The following WAPL variants were observed in gnomAD, a reference collection of about 807,000 sequenced individuals.
The protein encoded by WAPL is WAPL cohesin release factor.
In WAPL, 5 loss-of-function variants were observed where a neutral mutation model predicts 121.0. That is an observed-to-expected ratio of 0.04 (90% CI 0.02 to 0.09). WAPL has a LOEUF of 0.09. Ranked by LOEUF, WAPL falls within the 10% of genes least tolerant of loss-of-function variation. WAPL has a pLI of 1.00. For missense variants in WAPL, 999 were observed against 1,410.8 expected, an observed-to-expected ratio of 0.71 and a Z score of 4.68; for synonymous variants, 480 against 481.5, an observed-to-expected ratio of 1.00 and a Z score of 0.04.
At chr10:86,460,824 C>T (rs1336481930) in intron 10 of WAPL, among the ~76,000 whole-genome samples, 1 of 152,174 alleles carries the variant, frequency 6.6e-6, no homozygotes, top group African/African-American at 2.4e-5. Context: ...AGCAATTCTC[C>T]TGCCTCAGCC....
rs1360087378 is a variant in WAPL at position 86,454,892 on chromosome 10, C to T, written c.2658-1061G>A. ...GAGTGTCTCTGCCCGACCGCCACCC[C>T]GTCTGGGAGGTGAGGAGCGTCTCTG... On this transcript the variant is annotated intron_variant, in intron 12 of 18. Coordinates refer to ENST00000298767, the MANE Select transcript of WAPL (RefSeq NM_015045.5). Among the ~76,000 whole-genome samples the T allele has an allele frequency of 2.7e-5, 4 of 149,964 alleles. No homozygotes were observed. The South Asian group carries it at 6.3e-4, about 24-fold the overall frequency.
At chr10:86,503,089 C>G (rs1842277874) in intron 2 of WAPL, among the ~76,000 whole-genome samples, 1 of 152,110 alleles carries the variant, frequency 6.6e-6, no homozygotes, top group African/African-American at 2.4e-5. Flanking sequence ...ACCCGGGAGG[C>G]AGAGGTTGCA....
intron 4 of WAPL, among the ~76,000 whole-genome samples, chr10:86,489,311 A>G (rs1302071759): frequency 6.6e-6 from 1 of 152,212 alleles, no homozygotes; most frequent in Non-Finnish European, 1.5e-5. Flanking sequence ...AAAGAACATT[A>G]CTGGGACAAA....
At chr10:86,455,433 G>T (rs897459500) in intron 12 of WAPL, among the ~76,000 whole-genome samples, 15 of 151,922 alleles carry the variant, frequency 9.9e-5, no homozygotes, top group African/African-American at 3.6e-4. Context: ...GGGTTAAATG[G>T]ATTAAGGGCA....
chr10:86,516,526 C>T (rs1842559536), intron 2 of WAPL, among the ~76,000 whole-genome samples: 1 of 152,044 alleles, frequency 6.6e-6, no homozygotes, highest in Non-Finnish European at 1.5e-5. Context: ...GCCAAGACGT[C>T]AAGAACTAAG....
At chr10:86,487,168 C>T (rs1042572807) in intron 4 of WAPL, among the ~76,000 whole-genome samples, 2 of 151,754 alleles carry the variant, frequency 1.3e-5, no homozygotes, top group Admixed American at 1.3e-4. Flanking sequence ...GCAGGGATGA[C>T]AGGCAGCAGC....
intron 4 of WAPL, among the ~76,000 whole-genome samples, chr10:86,487,850 G>C (rs750313930): frequency 2.0e-5 from 3 of 152,064 alleles, no homozygotes; most frequent in Non-Finnish European, 4.4e-5. Flanking sequence ...AGCTGAGATC[G>C]CACCACTGCA....
chr10:86,496,683 A>G (rs1338261671), intron 4 of WAPL, among the ~76,000 whole-genome samples: 1 of 152,226 alleles, frequency 6.6e-6, no homozygotes, highest in Non-Finnish European at 1.5e-5. Context: ...ATTCAGCCAT[A>G]AAAAGGAATG....
Position 86,499,787 on chromosome 10 carries a change from G to T in WAPL, c.1456C>A (p.Pro486Thr), listed in dbSNP as rs1224699954. The T allele has an allele frequency of 6.2e-7, 1 of 1,612,018 alleles. No homozygotes were observed. Among genetic ancestry groups the T allele is most frequent in the Admixed American group, 1.7e-5 (1 of 59,502 alleles). ...SKKRTKTAPS[P>T]SLQPPPESND... ...CTTTCTGGGGGAGGCTGCAAGGAGGGTGATGGAGCTGTTTTAGTTCTTTTT... is the reference window on the plus strand; with the variant it reads ...CTTTCTGGGGGAGGCTGCAAGGAGGTTGATGGAGCTGTTTTAGTTCTTTTT... Residue 486 changes from proline (P) to threonine (T), a missense_variant, in exon 3 of 19, where the codon CCC (proline) becomes ACC (threonine). Coordinates refer to ENST00000298767, the MANE Select transcript of WAPL (RefSeq NM_015045.5).
intron 4 of WAPL, among the ~76,000 whole-genome samples, chr10:86,480,792 A>G (rs934231919): frequency 6.6e-6 from 1 of 152,204 alleles, no homozygotes; most frequent in Non-Finnish European, 1.5e-5. Context: ...AAGAGAAGTG[A>G]GGTACACCTT....
At chr10:86,465,733 T>G (rs1279935619) in intron 9 of WAPL, among the ~76,000 whole-genome samples, 1 of 152,176 alleles carries the variant, frequency 6.6e-6, no homozygotes, top group Non-Finnish European at 1.5e-5. Context: ...CAGATACGGC[T>G]TTTGTTCCTA....
At chr10:86,445,343 ACTCTGT>A (rs1849581592) in intron 16 of WAPL, among the ~76,000 whole-genome samples, 1 of 151,994 alleles carries the variant, frequency 6.6e-6, no homozygotes, top group Non-Finnish European at 1.5e-5. Flanking sequence ...TGGTTGGCTG[ACTCTGT>A]GGATGTGGAA....
At chr10:86,506,697 G>A (rs1174894258) in intron 2 of WAPL, among the ~76,000 whole-genome samples, 1 of 152,152 alleles carries the variant, frequency 6.6e-6, no homozygotes, top group Non-Finnish European at 1.5e-5. Flanking sequence ...AGTGGGGGTA[G>A]GAGGATCACT....
At chr10:86,491,564 G>A (rs1842049071) in intron 4 of WAPL, among the ~76,000 whole-genome samples, 1 of 152,052 alleles carries the variant, frequency 6.6e-6, no homozygotes, top group Admixed American at 6.6e-5. Flanking sequence ...AAGGTTCCTA[G>A]AAAAACACAT....
In WAPL at chr10:86,440,099, G is replaced by C. The variant is rs542623993; in HGVS notation, c.3412-2084C>G. ...ACAATTTAAGAACATTCTCTTTTTAGAGACAAGATAGATACAGGCAAACAC... is the reference window on the plus strand; with the variant it reads ...ACAATTTAAGAACATTCTCTTTTTACAGACAAGATAGATACAGGCAAACAC... On this transcript the variant is annotated intron_variant, in intron 17 of 18. Transcript: ENST00000298767. Among the ~76,000 whole-genome samples the C allele has an allele frequency of 1.7e-4, 26 of 152,196 alleles. 1 individual carries two copies. The highest frequency in any genetic ancestry group is 5.3e-4 in the African/African-American group (22 of 41,522).
At chr10:86,488,092 A>T (rs189933883) in intron 4 of WAPL, among the ~76,000 whole-genome samples, 3 of 152,138 alleles carry the variant, frequency 2.0e-5, no homozygotes, top group African/African-American at 7.2e-5. Context: ...TGGAAACCAG[A>T]TTTCTCTCGG....
intron 2 of WAPL, among the ~76,000 whole-genome samples, chr10:86,510,955 T>C (rs1369806072): frequency 6.6e-6 from 1 of 151,768 alleles, no homozygotes; most frequent in Admixed American, 6.6e-5. Context: ...GTCTCCCAAG[T>C]AGCTGGAACT....
chr10:86,461,375 A>AG, intron 9 of WAPL, 88 bp from the exon 10 acceptor site: 13 of 983,062 alleles, frequency 1.3e-5, no homozygotes, highest in Non-Finnish European at 1.9e-5. Flanking sequence ...ACTGCATGCT[A>AG]CATGTAGTTT....
chr10:86,453,648 A>C lies in WAPL; in HGVS notation c.2833+8T>G. The C allele has an allele frequency of 6.3e-7, 1 of 1,590,294 alleles. No individual in the cohort carries two copies. The highest frequency in any genetic ancestry group is 1.1e-5 in the South Asian group (1 of 87,048). Reference sequence around the variant, plus strand: ...TTTCAATGAGAAAAAAATGGAAAAAAATCTTACCATTATCATTAGTTAAAT... The same window carrying C: ...TTTCAATGAGAAAAAAATGGAAAAACATCTTACCATTATCATTAGTTAAAT... On this transcript the variant is annotated splice_region_variant and intron_variant, in intron 13 of 18. Coordinates refer to ENST00000298767, the MANE Select transcript of WAPL (RefSeq NM_015045.5).
Sources: gnomAD v4.1 joint callset for allele counts (sites outside exome capture counted in the v4.1 genomes callset) on GRCh38, gnomAD v4.1.1 for gene constraint, MANE v1.5 for transcripts, NCBI Gene and HGNC (gene_info 2026-07-23, HGNC 2026-07-21) for gene names.